The following CLASP2 variants were observed in gnomAD, a reference collection of about 807,000 sequenced individuals.
The protein encoded by CLASP2 is CLIP-associating protein 2.
Under a neutral mutation model 194.4 loss-of-function variants are expected in CLASP2, and 47 were observed. The ratio of observed to expected loss-of-function variants is 0.24; its 90% CI spans 0.19 to 0.31. The LOEUF is 0.31. Among genes scored for constraint, CLASP2 ranks in the 10% least tolerant of loss-of-function variants. CLASP2 has a pLI of 1.00. For missense variants in CLASP2, 1,445 were observed against 1,823.6 expected (o/e 0.79, Z 3.78); for synonymous variants, 619 against 633.5 (o/e 0.98, Z 0.34).
intron 5 of CLASP2, among the ~76,000 whole-genome samples, chr3:33,684,751 G>A (rs1032689157): frequency 1.2e-4 from 18 of 152,062 alleles, no homozygotes; most frequent in African/African-American, 4.3e-4. Context: ...TGTAATCCCA[G>A]CACTTTGGGA....
At chr3:33,511,449 C>A (rs757994671) in intron 36 of CLASP2, among the ~76,000 whole-genome samples, 1 of 152,034 alleles carries the variant, frequency 6.6e-6, no homozygotes, top group South Asian at 2.1e-4. Context: ...ATGCTGAAGC[C>A]CTGCTCATTA....
chr3:33,713,211 C>T (rs1290105115), intron 1 of CLASP2, among the ~76,000 whole-genome samples: 2 of 151,792 alleles, frequency 1.3e-5, no homozygotes, highest in Non-Finnish European at 2.9e-5. Flanking sequence ...TATAGTACAG[C>T]TAAGACATTA....
At chr3:33,630,988 C>T (rs1337926682) in intron 9 of CLASP2, among the ~76,000 whole-genome samples, 1 of 152,058 alleles carries the variant, frequency 6.6e-6, no homozygotes, top group Non-Finnish European at 1.5e-5. Context: ...ACATATATCT[C>T]AATAAAGGGA....
intron 8 of CLASP2, among the ~76,000 whole-genome samples, chr3:33,632,658 T>C (rs1443672541): frequency 6.6e-6 from 1 of 152,006 alleles, no homozygotes; most frequent in Non-Finnish European, 1.5e-5. Context: ...CAAACACAAA[T>C]AAACATAAGT....
At chr3:33,541,612 T>C (rs2058380078) in intron 32 of CLASP2, among the ~76,000 whole-genome samples, 1 of 152,204 alleles carries the variant, frequency 6.6e-6, no homozygotes, top group African/African-American at 2.4e-5. Context: ...CTTGTGTTAG[T>C]CTGCTAAGGA....
chr3:33,713,460 A>AT (rs1432095720), intron 1 of CLASP2, among the ~76,000 whole-genome samples: 2 of 152,208 alleles, frequency 1.3e-5, no homozygotes, highest in African/African-American at 4.8e-5. Context: ...GGCAACATCA[A>AT]TATGTATTAA....
In CLASP2 at chr3:33,672,818, G is replaced by A. The variant is rs186330878; in HGVS notation, c.645-9303C>T. ...ATGCAGAAGCCTCAGGAGCTGATGC[G>A]ATCAACTGGAAGAAAGGGTATCAGT... On this transcript the variant is annotated intron_variant, in intron 6 of 38. Transcript: ENST00000682230. Among the ~76,000 whole-genome samples, 502 of 152,260 alleles carry A rather than the reference G, an allele frequency of 3.3e-3. 2 individuals carry two copies. The highest frequency in any genetic ancestry group is 0.011 in the African/African-American group (455 of 41,542).
At chr3:33,672,439 A>G (rs1030759759) in intron 6 of CLASP2, among the ~76,000 whole-genome samples, 11 of 152,208 alleles carry the variant, frequency 7.2e-5, no homozygotes, top group Non-Finnish European at 1.5e-4. Context: ...CCAAAAACCC[A>G]TCTGTACATC....
intron 1 of CLASP2, among the ~76,000 whole-genome samples, chr3:33,716,297 T>C (rs2093296865): frequency 6.6e-6 from 1 of 152,104 alleles, no homozygotes; most frequent in Non-Finnish European, 1.5e-5. Flanking sequence ...AGACCCCTGA[T>C]GGATTCTAAC....
chr3:33,710,213 A>G (rs1229968502), intron 1 of CLASP2, among the ~76,000 whole-genome samples: 1 of 152,200 alleles, frequency 6.6e-6, no homozygotes, highest in Non-Finnish European at 1.5e-5. Flanking sequence ...ACAAGGAGGC[A>G]TACTTTCTTT....
chr3:33,672,895 A>C (rs552368168), intron 6 of CLASP2, among the ~76,000 whole-genome samples: 1 of 152,280 alleles, frequency 6.6e-6, no homozygotes, highest in African/African-American at 2.4e-5. Context: ...TTAGAGAAAA[A>C]AGAATAAAAA....
chr3:33,508,707 T>C (rs906383116), intron 37 of CLASP2, among the ~76,000 whole-genome samples: 3 of 152,242 alleles, frequency 2.0e-5, no homozygotes, highest in Admixed American at 1.3e-4. Flanking sequence ...TCTCATCAAA[T>C]ATTTGGTTAT....
chr3:33,673,600 T>A (rs1013714333), intron 6 of CLASP2, among the ~76,000 whole-genome samples: 1 of 151,938 alleles, frequency 6.6e-6, no homozygotes. Context: ...CAATATTAAC[T>A]TTAAATGTAA....
chr3:33,582,274 C>G (rs2154211885), intron 22 of CLASP2, among the ~76,000 whole-genome samples: 1 of 152,254 alleles, frequency 6.6e-6, no homozygotes, highest in East Asian at 1.9e-4. Flanking sequence ...AGGTTAAAAT[C>G]TTGCTTTTAA....
intron 1 of CLASP2, 96 bp downstream of exon 1, chr3:33,717,712 G>T: frequency 3.0e-6 from 4 of 1,341,656 alleles, no homozygotes; most frequent in Middle Eastern, 2.3e-4. Flanking sequence ...TTAAGCAGTG[G>T]TTCGGACGGG....
chr3:33,503,070 T>C (rs2154073879), intron 37 of CLASP2: 1 of 152,292 alleles, frequency 6.6e-6, no homozygotes, highest in South Asian at 2.1e-4. Flanking sequence ...AATATTTAAG[T>C]GCCTGGTATG....
intron 38 of CLASP2, among the ~76,000 whole-genome samples, chr3:33,499,244 T>C (rs1042833093): frequency 1.2e-4 from 18 of 152,172 alleles, no homozygotes; most frequent in African/African-American, 4.3e-4. Context: ...AAGAAGGACA[T>C]GTTTGCTCAC....
chr3:33,708,546 A>ATATATATATATATATGTATATATG (rs2092837174), intron 1 of CLASP2, among the ~76,000 whole-genome samples: 2 of 2,880 alleles, frequency 6.9e-4, no homozygotes, highest in Non-Finnish European at 9.0e-3. Flanking sequence ...GTATATATGT[A>ATATATATATATATATGTATATATG]TATATATATA....
chr3:33,709,143 TG>T (rs1362254694), intron 1 of CLASP2, among the ~76,000 whole-genome samples: 5 of 152,226 alleles, frequency 3.3e-5, no homozygotes, highest in African/African-American at 1.2e-4. Flanking sequence ...TTTTGTTGCC[TG>T]TATTTTCATG....
Sources: gnomAD v4.1 joint callset for allele counts (sites outside exome capture counted in the v4.1 genomes callset) on GRCh38, gnomAD v4.1.1 for gene constraint, MANE v1.5 for transcripts, NCBI Gene and HGNC (gene_info 2026-07-23, HGNC 2026-07-21) for gene names.